SYTL3: variants seen among roughly 807,000 people sequenced by gnomAD.
The protein encoded by SYTL3 is synaptotagmin-like protein 3.
Under a neutral mutation model 82.1 loss-of-function variants are expected in SYTL3, and 88 were observed. The ratio of observed to expected loss-of-function variants is 1.07; its 90% CI spans 0.90 to 1.28. The LOEUF (loss-of-function observed/expected upper bound fraction) is 1.28, where lower values mean the gene tolerates loss of function less well. SYTL3 is among the 50% of genes most tolerant of loss of function. SYTL3 has a pLI of 0.00. For missense variants in SYTL3, 831 were observed against 757.6 expected, an observed-to-expected ratio of 1.10 and a Z score of -1.14; for synonymous variants, 311 against 289.4, an observed-to-expected ratio of 1.07 and a Z score of -0.76.
intron 6 of SYTL3, among the ~76,000 whole-genome samples, chr6:158,690,623 CAAG>C (rs1562379865): frequency 6.6e-6 from 1 of 151,876 alleles, no homozygotes; most frequent in African/African-American, 2.4e-5. Context: ...AATTTAAAAA[CAAG>C]AAAAAATGAG....
intron 6 of SYTL3, among the ~76,000 whole-genome samples, chr6:158,705,421 C>CCGGGG (rs1308692522): frequency 7.2e-6 from 1 of 139,584 alleles, no homozygotes; most frequent in African/African-American, 2.7e-5. Context: ...CAGGAGGAAC[C>CCGGGG]CGGGGCAGGG....
rs750895816 is a variant in SYTL3 at position 158,764,728 on chromosome 6, G to A, written c.*124G>A. On this transcript the variant is annotated 3_prime_UTR_variant, in exon 18 of 18. Coordinates refer to ENST00000611299, the MANE Select transcript of SYTL3 (RefSeq NM_001242394.2). ...TTGACCTTGAGCAGTCTCCATCTGC[G>A]GCCCTGTCCCATGGCTTAACCGCCT... 16 of 654,830 alleles carry A rather than the reference G, an allele frequency of 2.4e-5. No individual in the cohort carries two copies. Among genetic ancestry groups the A allele is most frequent in the Non-Finnish European group, 4.4e-5 (16 of 365,218 alleles). The allele number at this position is 654,830 out of a possible 1,614,324, so 40.6% of individuals were successfully genotyped here.
At chr6:158,750,162 A>T (rs1238859374) in intron 12 of SYTL3, among the ~76,000 whole-genome samples, 1 of 152,252 alleles carries the variant, frequency 6.6e-6, no homozygotes, top group Non-Finnish European at 1.5e-5. Context: ...ATACAGAATG[A>T]TCCCATTTAT....
chr6:158,730,153 A>G (rs1476077884), intron 11 of SYTL3, among the ~76,000 whole-genome samples: 2 of 152,210 alleles, frequency 1.3e-5, no homozygotes, highest in African/African-American at 4.8e-5. Flanking sequence ...TTTGCAAGCA[A>G]CTTCCTCTTT....
intron 8 of SYTL3, among the ~76,000 whole-genome samples, chr6:158,711,578 C>T (rs183888933): frequency 1.6e-4 from 25 of 152,152 alleles, no homozygotes; most frequent in Admixed American, 5.9e-4. Context: ...TCTTGAATCT[C>T]GCGGAAGAAA....
chr6:158,751,682 C>T lies in SYTL3; in HGVS notation c.1035-246C>T, dbSNP rs73018271. Among the ~76,000 whole-genome samples the T allele has an allele frequency of 9.7e-3, 1,482 of 152,294 alleles. 9 individuals carry two copies. The highest frequency in any genetic ancestry group is 0.02 in the Middle Eastern group (6 of 294). On this transcript the variant is annotated intron_variant, in intron 12 of 17. Transcript: ENST00000611299. ...TGAGGAAGGCAGGACGAGCTTCACACCCCCAGGAATATTCCAGAGGGTTAT... is the reference window on the plus strand; with the variant it reads ...TGAGGAAGGCAGGACGAGCTTCACATCCCCAGGAATATTCCAGAGGGTTAT...
chr6:158,703,153 T>TAAAAAAA (rs71297001), intron 6 of SYTL3, among the ~76,000 whole-genome samples: 29 of 94,886 alleles, frequency 3.1e-4, no homozygotes, highest in Admixed American at 9.8e-4. Flanking sequence ...GACTCTGTCT[T>TAAAAAAA]AAAAAAAAAA....
chr6:158,751,462 C>T (rs967401074), intron 12 of SYTL3, among the ~76,000 whole-genome samples: 7 of 152,172 alleles, frequency 4.6e-5, no homozygotes, highest in African/African-American at 1.4e-4. Flanking sequence ...CACTTCTCAG[C>T]GGTTGGGAGG....
chr6:158,724,169 G>T (rs966256784), intron 10 of SYTL3, among the ~76,000 whole-genome samples: 1 of 152,104 alleles, frequency 6.6e-6, no homozygotes, highest in Non-Finnish European at 1.5e-5. Flanking sequence ...TGAGCCCTTG[G>T]AGGATGGACG....
At position 158,677,669 on chromosome 6, in the gene SYTL3, C is replaced by G. The variant is rs551204426; in HGVS notation, c.330-5256C>G. Among the ~76,000 whole-genome samples the G allele has an allele frequency of 9.0e-4, 122 of 134,932 alleles. 3 individuals are homozygous for G. In the South Asian group the frequency reaches 0.026, roughly 29 times the overall value. The allele number at this position is 134,932 out of a possible 152,430, so 88.5% of individuals were successfully genotyped here. On this transcript the variant is annotated intron_variant, in intron 5 of 17. Coordinates refer to ENST00000611299, the MANE Select transcript of SYTL3 (RefSeq NM_001242394.2). ...GCAGTGAGCCGAGATCATGTCATTG[C>G]ACTCCAGCCTGGGTGACAAGAATGA...
chr6:158,699,135 C>T (rs1181284788), intron 6 of SYTL3, among the ~76,000 whole-genome samples: 1 of 152,180 alleles, frequency 6.6e-6, no homozygotes, highest in Non-Finnish European at 1.5e-5. Context: ...CCTAACCACA[C>T]TGATGATGCA....
chr6:158,699,385 A>G (rs2128437847), intron 6 of SYTL3, among the ~76,000 whole-genome samples: 1 of 152,300 alleles, frequency 6.6e-6, no homozygotes, highest in Non-Finnish European at 1.5e-5. Context: ...CCAGTTTGAG[A>G]TGGTCATCCA....
intron 8 of SYTL3, among the ~76,000 whole-genome samples, chr6:158,708,772 T>A (rs1395849142): frequency 1.3e-5 from 2 of 152,124 alleles, no homozygotes; most frequent in Non-Finnish European, 2.9e-5. Flanking sequence ...TTTGAGTGTT[T>A]GCAGGCTCTG....
rs1357260069 is a variant in SYTL3 at position 158,665,533 on chromosome 6, C to T, written c.249C>T (p.Cys83=). ...LLHRGAVCRG[C]SHRVCAQCRV... ...ACCGGGGCGCCGTGTGCCGGGGCTG[C>T]AGCCACCGCGTGTGTGCCCAGTGCC... is the stretch of plus-strand genomic sequence containing the variant. The change falls in exon 5 of 18, where the codon TGC becomes TGT. Residue 83 remains cysteine, a synonymous_variant. Coordinates refer to ENST00000611299, the MANE Select transcript of SYTL3 (RefSeq NM_001242394.2). 4 of 1,589,806 alleles carry T rather than the reference C, an allele frequency of 2.5e-6. No individual in the cohort carries two copies. The highest frequency in any genetic ancestry group is 2.7e-5 in the African/African-American group (2 of 74,740).
rs117489967 is a variant in SYTL3 at position 158,660,656 on chromosome 6, C to T, written c.-636-613C>T. ...CAGCCAATACTGCAGCTATGTGGTC[C>T]TGCTTACCTGGAGTACTGGAGACCA... On this transcript the variant is annotated intron_variant, in intron 2 of 17. Coordinates refer to ENST00000611299, the MANE Select transcript of SYTL3 (RefSeq NM_001242394.2). Among the ~76,000 whole-genome samples, 1,054 of 152,318 alleles carry T rather than the reference C, an allele frequency of 6.9e-3. 18 individuals are homozygous for T. Among genetic ancestry groups the T allele is most frequent in the East Asian group, 0.031 (160 of 5,192 alleles).
At chr6:158,746,655 G>A (rs1787707433) in intron 12 of SYTL3, among the ~76,000 whole-genome samples, 1 of 151,552 alleles carries the variant, frequency 6.6e-6, no homozygotes, top group Non-Finnish European at 1.5e-5. Context: ...TAGTAGAGAC[G>A]GGGTTTCACC....
chr6:158,677,751 A>T (rs1667237665), intron 5 of SYTL3, among the ~76,000 whole-genome samples: 1 of 140,626 alleles, frequency 7.1e-6, no homozygotes, highest in Non-Finnish European at 1.5e-5. Context: ...AATAAAAAAA[A>T]TAAAAATCCA....
At chr6:158,718,980 C>G (rs761209110) in intron 10 of SYTL3, among the ~76,000 whole-genome samples, 3 of 152,172 alleles carry the variant, frequency 2.0e-5, no homozygotes, top group Non-Finnish European at 4.4e-5. Context: ...GGTCAGCCCC[C>G]CTCTCCTGCT....
At chr6:158,733,943 A>T (rs1785782792) in intron 11 of SYTL3, among the ~76,000 whole-genome samples, 1 of 151,520 alleles carries the variant, frequency 6.6e-6, no homozygotes, top group African/African-American at 2.4e-5. Context: ...TAAAAATACA[A>T]AAAAATTAGC....
Sources: gnomAD v4.1 joint callset for allele counts (sites outside exome capture counted in the v4.1 genomes callset) on GRCh38, gnomAD v4.1.1 for gene constraint, MANE v1.5 for transcripts, NCBI Gene and HGNC (gene_info 2026-07-23, HGNC 2026-07-21) for gene names.